The following MYO9A variants were observed in gnomAD, a reference collection of about 807,000 sequenced individuals.
The protein encoded by MYO9A is myosin IXA, also known as unconventional myosin-IXa.
In MYO9A, 103 loss-of-function variants were observed where a neutral mutation model predicts 293.3. That is an observed-to-expected ratio of 0.35 (90% CI 0.30 to 0.41). MYO9A has a LOEUF of 0.41. MYO9A is among the 10% of genes least tolerant of loss of function. The pLI is 1.00. For synonymous variants in MYO9A, 1,001 were observed against 1,035.7 expected, an observed-to-expected ratio of 0.97 and a Z score of 0.64; for missense variants, 2,685 against 3,033.0, an observed-to-expected ratio of 0.89 and a Z score of 2.69.
chr15:71,893,582 G>A (rs1003077610), intron 26 of MYO9A, 97 bp downstream of exon 26: 8 of 878,358 alleles, frequency 9.1e-6, no homozygotes, highest in African/African-American at 5.1e-5. Context: ...GGGAGTAAAT[G>A]GGTAGATGAG....
chr15:71,938,760 T>C, intron 16 of MYO9A, 92 bp downstream of exon 16: 2 of 1,093,788 alleles, frequency 1.8e-6, no homozygotes, highest in South Asian at 3.3e-5. Context: ...CAAGCCTGAA[T>C]TACTTCAAAC....
chr15:72,084,311 C>T (rs1306252109), intron 1 of MYO9A, among the ~76,000 whole-genome samples: 1 of 151,960 alleles, frequency 6.6e-6, no homozygotes, highest in Non-Finnish European at 1.5e-5. Context: ...GGATTGCAAC[C>T]CTTGCTTTTT....
intron 12 of MYO9A, among the ~76,000 whole-genome samples, chr15:71,972,640 G>A (rs1195966525): frequency 1.3e-5 from 2 of 152,202 alleles, no homozygotes; most frequent in African/African-American, 2.4e-5. Context: ...CATGTTGATT[G>A]TTATGGTGTG....
At chr15:72,095,604 G>A (rs1402284187) in intron 1 of MYO9A, among the ~76,000 whole-genome samples, 1 of 93,112 alleles carries the variant, frequency 1.1e-5, no homozygotes, top group African/African-American at 2.6e-5. Flanking sequence ...TTTTTAATGT[G>A]ACAAAACGGC....
chr15:71,873,141 T>G (rs1161979282), intron 32 of MYO9A, among the ~76,000 whole-genome samples: 1 of 151,654 alleles, frequency 6.6e-6, no homozygotes, highest in Non-Finnish European at 1.5e-5. Context: ...GGTCTCGAAC[T>G]CCCGACCTCA....
chr15:71,826,957 C>T lies in MYO9A; in HGVS notation c.7270G>A (p.Asp2424Asn). The change falls in exon 42 of 42, where the codon GAC becomes AAC. Residue 2424 changes from aspartate (D) to asparagine (N), a missense_variant. Asp to Asn is a conservative substitution (Grantham distance 23, BLOSUM62 1). This residue lies in a region of MYO9A where 350 missense variants were observed against 328.9 expected (regional missense o/e 1.06). Transcript: ENST00000356056. Reference protein sequence around the residue: ...KLRKQLKKQQDSLDVVDSSVS... With the variant: ...KLRKQLKKQQNSLDVVDSSVS... ...GAAGAGTCCACGACATCTAAAGAGT[C>T]TTGCTGCTTTTTAAGTTGCTTTCGC... is the stretch of plus-strand genomic sequence containing the variant. 6.2e-7 allele frequency: 1 copy of T among 1,613,884 alleles called. No individual in the cohort carries two copies. The highest frequency in any genetic ancestry group is 1.1e-5 in the South Asian group (1 of 91,026).
intron 18 of MYO9A, among the ~76,000 whole-genome samples, chr15:71,929,961 G>GA (rs1473048420): frequency 3.9e-5 from 6 of 152,160 alleles, no homozygotes; most frequent in Non-Finnish European, 4.4e-5. Flanking sequence ...AAATGAGTTT[G>GA]AGGTATTCTC....
intron 25 of MYO9A, chr15:71,897,210 C>A: frequency 2.2e-6 from 1 of 464,508 alleles, no homozygotes; most frequent in Non-Finnish European, 3.8e-6. Flanking sequence ...CTGCCCTTCA[C>A]AAATGCTTCT....
At chr15:71,937,786 C>A (rs938098095) in intron 16 of MYO9A, among the ~76,000 whole-genome samples, 3 of 152,014 alleles carry the variant, frequency 2.0e-5, no homozygotes, top group African/African-American at 4.8e-5. Flanking sequence ...AGGCATATTG[C>A]GGTTTCTTTT....
intron 1 of MYO9A, 105 bp from the exon 2 acceptor site, chr15:72,046,739 C>T (rs975642224): frequency 4.6e-6 from 3 of 652,144 alleles, no homozygotes; most frequent in East Asian, 5.6e-5. Context: ...TTCTAAAACA[C>T]AAAATACTAA....
At chr15:71,955,697 A>G (rs1378970983) in intron 14 of MYO9A, among the ~76,000 whole-genome samples, 4 of 152,202 alleles carry the variant, frequency 2.6e-5, no homozygotes, top group African/African-American at 9.7e-5. Context: ...CAATTCACCT[A>G]CTAAACAATT....
chr15:72,059,273 C>A (rs1189522990), intron 1 of MYO9A, among the ~76,000 whole-genome samples: 1 of 152,228 alleles, frequency 6.6e-6, no homozygotes, highest in Non-Finnish European at 1.5e-5. Flanking sequence ...TGGTAGAGAA[C>A]ACACTCAATT....
At chr15:72,065,077 TG>T (rs1245973602) in intron 1 of MYO9A, among the ~76,000 whole-genome samples, 2 of 152,160 alleles carry the variant, frequency 1.3e-5, no homozygotes, top group Non-Finnish European at 2.9e-5. Flanking sequence ...CAATTCAGTA[TG>T]GGGGAAGGAA....
chr15:71,955,067 T>C (rs1384476830), intron 14 of MYO9A, among the ~76,000 whole-genome samples: 5 of 152,058 alleles, frequency 3.3e-5, no homozygotes, highest in African/African-American at 1.2e-4. Flanking sequence ...TTCCTATCAA[T>C]ACTACCCTTG....
chr15:71,893,851 A>G, intron 25 of MYO9A, 73 bp from the exon 26 acceptor site: 1 of 1,148,788 alleles, frequency 8.7e-7, no homozygotes, highest in Middle Eastern at 2.0e-4. Flanking sequence ...AAAGACTTCC[A>G]GCAAATTCCA....
intron 18 of MYO9A, among the ~76,000 whole-genome samples, chr15:71,931,887 C>T (rs574231638): frequency 5.3e-5 from 8 of 152,202 alleles, no homozygotes; most frequent in South Asian, 2.1e-4. Flanking sequence ...CCTCTCAAAC[C>T]TTTGTGTTTG....
chr15:72,083,025 C>T (rs2079600901), intron 1 of MYO9A, among the ~76,000 whole-genome samples: 1 of 151,850 alleles, frequency 6.6e-6, no homozygotes, highest in South Asian at 2.1e-4. Context: ...CAGGATGATA[C>T]TGGCCTCACA....
At chr15:72,001,705 G>C (rs114006860) in intron 8 of MYO9A, among the ~76,000 whole-genome samples, 3,253 of 152,072 alleles carry the variant, frequency 0.021, 108 homozygotes, top group African/African-American at 0.075. Context: ...ATATTATCTA[G>C]CAAATATAAC....
intron 1 of MYO9A, among the ~76,000 whole-genome samples, chr15:72,096,727 T>A (rs1200166463): frequency 6.6e-6 from 1 of 152,206 alleles, no homozygotes; most frequent in African/African-American, 2.4e-5. Flanking sequence ...AAACCTTCTG[T>A]AAAGAATTCA....
Sources: gnomAD v4.1 joint callset for allele counts (sites outside exome capture counted in the v4.1 genomes callset) on GRCh38, gnomAD v4.1.1 for gene constraint, gnomAD v4.1.1 regional missense constraint, MANE v1.5 for transcripts, NCBI Gene and HGNC (gene_info 2026-07-23, HGNC 2026-07-21) for gene names.